Variants in TRPM3 observed in about 807,000 individuals in gnomAD.
The protein encoded by TRPM3 is transient receptor potential cation channel subfamily M member 3.
In TRPM3, 77 loss-of-function variants were observed where a neutral mutation model predicts 181.2. The observed-to-expected ratio is 0.42, with a 90% CI of 0.35 to 0.51. TRPM3 has a LOEUF of 0.51. TRPM3 is among the 20% of genes least tolerant of loss of function. The pLI is 0.01. For missense variants in TRPM3, 1,759 were observed against 2,196.7 expected, an observed-to-expected ratio of 0.80 and a Z score of 3.98; for synonymous variants, 745 against 796.4, an observed-to-expected ratio of 0.94 and a Z score of 1.09.
chr9:71,424,104 C>T (rs1342002094), intron 1 of TRPM3, among the ~76,000 whole-genome samples: 1 of 152,078 alleles, frequency 6.6e-6, no homozygotes, highest in East Asian at 1.9e-4. Context: ...TTAAAGATGC[C>T]TTATAGACTA....
chr9:71,287,190 C>T (rs1424521517), intron 1 of TRPM3, among the ~76,000 whole-genome samples: 3 of 148,258 alleles, frequency 2.0e-5, no homozygotes, highest in Non-Finnish European at 3.0e-5. Context: ...AAGATAGTAT[C>T]GGGATGCCCA....
intron 8 of TRPM3, among the ~76,000 whole-genome samples, chr9:70,744,539 GTTA>G (rs935841223): frequency 1.3e-5 from 2 of 151,680 alleles, no homozygotes; most frequent in African/African-American, 2.4e-5. Context: ...GATGAAAGGT[GTTA>G]TTATTATTAT....
upstream of TRPM3, among the ~76,000 whole-genome samples, chr9:71,126,133 A>G (rs1305042639): frequency 1.3e-5 from 2 of 152,204 alleles, no homozygotes; most frequent in Non-Finnish European, 2.9e-5. Context: ...GCTCAACATC[A>G]CTGAATAGTG....
At chr9:71,314,229 T>C (rs1411713609) in intron 1 of TRPM3, among the ~76,000 whole-genome samples, 1 of 152,156 alleles carries the variant, frequency 6.6e-6, no homozygotes, top group African/African-American at 2.4e-5. Flanking sequence ...GAGAACTCAC[T>C]TATACCTGTG....
At chr9:70,904,614 A>G (rs982157495) in intron 1 of TRPM3, among the ~76,000 whole-genome samples, 2 of 152,192 alleles carry the variant, frequency 1.3e-5, no homozygotes, top group African/African-American at 4.8e-5. Context: ...ATCTTTCAGC[A>G]CTATACAGAC....
chr9:70,762,246 C>T (rs1441618360), intron 7 of TRPM3, among the ~76,000 whole-genome samples: 1 of 152,198 alleles, frequency 6.6e-6, no homozygotes, highest in Non-Finnish European at 1.5e-5. Context: ...ATGTAGGCAG[C>T]AGCCTGTCTG....
chr9:70,846,331 A>G lies in TRPM3; in HGVS notation c.676+47T>C, dbSNP rs780942719. On this transcript the variant is annotated intron_variant, in intron 4 of 25. Coordinates refer to ENST00000677713, the MANE Select transcript of TRPM3 (RefSeq NM_001366145.2). ...TTAGCAGAAAATTACATCAGGCACAACATTCCCATGGCCTATGTTGACTTT... is the reference window on the plus strand; with the variant it reads ...TTAGCAGAAAATTACATCAGGCACAGCATTCCCATGGCCTATGTTGACTTT... The G allele has an allele frequency of 1.9e-5, 30 of 1,549,878 alleles. No individual in the cohort carries two copies. In the African/African-American group the frequency reaches 3.3e-4, roughly 17 times the overall value.
chr9:71,162,806 A>AT (rs764231128), intron 1 of TRPM3, among the ~76,000 whole-genome samples: 5 of 152,316 alleles, frequency 3.3e-5, no homozygotes, highest in Non-Finnish European at 7.3e-5. Context: ...AAGTAAACAG[A>AT]TTATTCCAGA....
At chr9:70,570,233 T>A (rs1297624001) in intron 22 of TRPM3, among the ~76,000 whole-genome samples, 1 of 4,112 alleles carries the variant, frequency 2.4e-4, no homozygotes, top group African/African-American at 6.2e-4. Flanking sequence ...CAGATTTGGT[T>A]TTTTTTTTTG....
In TRPM3 at chr9:70,927,691, T is replaced by C. The variant is rs529823041; in HGVS notation, c.178-63180A>G. On this transcript the variant is annotated intron_variant, in intron 1 of 25. Coordinates refer to ENST00000677713, the MANE Select transcript of TRPM3 (RefSeq NM_001366145.2). ...TGCGCACAGAGTCTGCAGTGCCCTGTTTTGTACCCCACAAAAGAGAGGTTT... is the reference window on the plus strand; with the variant it reads ...TGCGCACAGAGTCTGCAGTGCCCTGCTTTGTACCCCACAAAAGAGAGGTTT... Among the ~76,000 whole-genome samples the C allele has an allele frequency of 3.9e-5, 6 of 152,294 alleles. No homozygotes were observed. The South Asian group carries it at 1.0e-3, about 26-fold the overall frequency.
chr9:70,896,833 A>G (rs562779164), intron 1 of TRPM3, among the ~76,000 whole-genome samples: 1 of 146,048 alleles, frequency 6.8e-6, no homozygotes, highest in Non-Finnish European at 1.5e-5. Flanking sequence ...CAGGAGATTT[A>G]TGCCTTATTA....
At chr9:70,778,992 A>G (rs189926902) in intron 7 of TRPM3, among the ~76,000 whole-genome samples, 4 of 152,240 alleles carry the variant, frequency 2.6e-5, no homozygotes, top group East Asian at 1.9e-4. Flanking sequence ...CTAGGAATAT[A>G]TAGTTACATA....
chr9:71,091,187 G>T (rs559005411), intron 1 of TRPM3, among the ~76,000 whole-genome samples: 22 of 152,202 alleles, frequency 1.4e-4, no homozygotes, highest in Non-Finnish European at 3.1e-4. Context: ...TTATTCTTTG[G>T]TATGCTGACA....
intron 1 of TRPM3, among the ~76,000 whole-genome samples, chr9:71,376,503 T>C (rs949191000): frequency 6.6e-6 from 1 of 152,078 alleles, no homozygotes; most frequent in Non-Finnish European, 1.5e-5. Flanking sequence ...CCTTAATATC[T>C]TTCTTTCCTA....
chr9:71,376,174 A>G (rs550874936), intron 1 of TRPM3, among the ~76,000 whole-genome samples: 29 of 152,006 alleles, frequency 1.9e-4, no homozygotes, highest in African/African-American at 7.0e-4. Flanking sequence ...AATTAACTAG[A>G]AGAAGTCACA....
chr9:70,998,885 T>C (rs768455970), intron 1 of TRPM3, among the ~76,000 whole-genome samples: 1 of 152,192 alleles, frequency 6.6e-6, no homozygotes. Context: ...CTTTCTCCTC[T>C]CTTATCCCCT....
At chr9:71,291,932 T>C (rs2085849224) in intron 1 of TRPM3, among the ~76,000 whole-genome samples, 1 of 152,016 alleles carries the variant, frequency 6.6e-6, no homozygotes, top group African/African-American at 2.4e-5. Flanking sequence ...ATAAAGCAAA[T>C]CTCATCCTGT....
At chr9:71,220,039 T>C (rs1299355472) in intron 1 of TRPM3, among the ~76,000 whole-genome samples, 1 of 152,198 alleles carries the variant, frequency 6.6e-6, no homozygotes, top group Non-Finnish European at 1.5e-5. Flanking sequence ...GAAGTTGATA[T>C]CAGGTCCCCA....
chr9:71,432,676 G>C (rs146340655), intron 1 of TRPM3, among the ~76,000 whole-genome samples: 9 of 152,060 alleles, frequency 5.9e-5, no homozygotes, highest in Admixed American at 2.6e-4. Context: ...CGATAATTTA[G>C]AACATGGAAA....
Sources: gnomAD v4.1 joint callset for allele counts (sites outside exome capture counted in the v4.1 genomes callset) on GRCh38, gnomAD v4.1.1 for gene constraint, MANE v1.5 for transcripts, NCBI Gene and HGNC (gene_info 2026-07-23, HGNC 2026-07-21) for gene names.